KATNIP: variants seen among roughly 807,000 people sequenced by gnomAD.
KATNIP encodes the protein katanin-interacting protein.
A neutral mutation model predicts 174.0 loss-of-function variants in KATNIP; 126 were observed. That is an observed-to-expected ratio of 0.72 (90% CI 0.63 to 0.84). KATNIP has a LOEUF of 0.84. Among genes scored for constraint, KATNIP ranks in the 40% least tolerant of loss-of-function variants. KATNIP has a pLI of 0.00. For missense variants in KATNIP, 1,958 were observed against 2,109.7 expected (o/e 0.93, Z 1.41); for synonymous variants, 810 against 835.7 (o/e 0.97, Z 0.53).
At chr16:27,705,343 A>G (rs888479594) in intron 12 of KATNIP, among the ~76,000 whole-genome samples, 10 of 152,130 alleles carry the variant, frequency 6.6e-5, no homozygotes, top group Non-Finnish European at 1.5e-4. Flanking sequence ...ACTTAATGCA[A>G]AGTCCTCCCA....
chr16:27,753,638 C>T (rs1025959780), intron 17 of KATNIP, among the ~76,000 whole-genome samples: 10 of 152,210 alleles, frequency 6.6e-5, no homozygotes, highest in African/African-American at 1.7e-4. Flanking sequence ...GTCTGGGCCC[C>T]ACCCCTAGAG....
At chr16:27,561,350 T>C (rs942156493) in intron 1 of KATNIP, among the ~76,000 whole-genome samples, 1 of 152,278 alleles carries the variant, frequency 6.6e-6, no homozygotes, top group East Asian at 1.9e-4. Flanking sequence ...TGGACACATA[T>C]GGTTTCCCCA....
intron 15 of KATNIP, among the ~76,000 whole-genome samples, chr16:27,747,821 G>A (rs1293372093): frequency 6.6e-6 from 1 of 152,186 alleles, no homozygotes; most frequent in Non-Finnish European, 1.5e-5. Context: ...GGCTGTGGTT[G>A]GAGGGAGCCA....
At chr16:27,734,587 C>T (rs2080831283) in intron 14 of KATNIP, among the ~76,000 whole-genome samples, 1 of 152,046 alleles carries the variant, frequency 6.6e-6, no homozygotes, top group Non-Finnish European at 1.5e-5. Context: ...ATCCCAGCTA[C>T]TCGGGAGGCT....
At chr16:27,588,759 G>A (rs945134474) in intron 2 of KATNIP, among the ~76,000 whole-genome samples, 2 of 151,908 alleles carry the variant, frequency 1.3e-5, no homozygotes, top group South Asian at 2.1e-4. Flanking sequence ...AAGTTTGCAC[G>A]TTAAACAAAA....
chr16:27,722,237 C>T (rs2080274214), intron 14 of KATNIP: 2 of 152,602 alleles, frequency 1.3e-5, no homozygotes, highest in South Asian at 4.1e-4. Context: ...TAGCCAGGCT[C>T]TTAACCTCTG....
chr16:27,612,819 T>C (rs755990862), intron 2 of KATNIP, among the ~76,000 whole-genome samples: 2 of 151,934 alleles, frequency 1.3e-5, no homozygotes, highest in Non-Finnish European at 2.9e-5. Flanking sequence ...AGTCAGAATC[T>C]GCATTTCAAA....
chr16:27,654,111 G>T (rs2077195567), intron 6 of KATNIP, among the ~76,000 whole-genome samples: 1 of 152,170 alleles, frequency 6.6e-6, no homozygotes, highest in Non-Finnish European at 1.5e-5. Context: ...ATGTAGCTGG[G>T]ACTACAGGCA....
intron 2 of KATNIP, among the ~76,000 whole-genome samples, chr16:27,582,183 C>T (rs1005518265): frequency 6.6e-6 from 1 of 152,164 alleles, no homozygotes; most frequent in Admixed American, 6.6e-5. Flanking sequence ...ACTTCCTTCC[C>T]TTTTCTCCAT....
chr16:27,651,204 A>C (rs2077110993), intron 6 of KATNIP, among the ~76,000 whole-genome samples: 1 of 152,202 alleles, frequency 6.6e-6, no homozygotes, highest in Non-Finnish European at 1.5e-5. Flanking sequence ...TTTTGTGCAC[A>C]TACTCCGCAT....
intron 6 of KATNIP, among the ~76,000 whole-genome samples, chr16:27,676,991 A>G (rs2078140660): frequency 6.6e-6 from 1 of 152,110 alleles, no homozygotes. Context: ...TTTTTGTCCC[A>G]GTGTAAATAT....
At chr16:27,622,046 C>G (rs2076211938) in intron 3 of KATNIP, among the ~76,000 whole-genome samples, 1 of 152,086 alleles carries the variant, frequency 6.6e-6, no homozygotes, top group Non-Finnish European at 1.5e-5. Context: ...TCCTTGGCCA[C>G]CCCACTACAT....
chr16:27,719,058 TA>T (rs1175006535), intron 13 of KATNIP, among the ~76,000 whole-genome samples: 2 of 152,120 alleles, frequency 1.3e-5, no homozygotes, highest in Non-Finnish European at 2.9e-5. Context: ...CCCTTTGAGA[TA>T]AAAGGGACAA....
chr16:27,703,177 A>G lies in KATNIP; in HGVS notation c.1287-719A>G, dbSNP rs563213566. Reference sequence around the variant, plus strand: ...AGCAAAACTCCATCTCAAAAAAAAAAAAAGAAAGAAAGAAAAGGCTGGGCC... The same window carrying G: ...AGCAAAACTCCATCTCAAAAAAAAAGAAAGAAAGAAAGAAAAGGCTGGGCC... On this transcript the variant is annotated intron_variant, in intron 11 of 27. Transcript: ENST00000261588. Among the ~76,000 whole-genome samples, 10 of 152,222 alleles carry G rather than the reference A, an allele frequency of 6.6e-5. No homozygotes were observed. In the East Asian group the frequency reaches 9.7e-4, roughly 15 times the overall value.
At chr16:27,618,791 C>T (rs1292958804) in intron 3 of KATNIP, among the ~76,000 whole-genome samples, 1 of 152,194 alleles carries the variant, frequency 6.6e-6, no homozygotes, top group Non-Finnish European at 1.5e-5. Context: ...TTGGATTTGG[C>T]AGGGCTTGTG....
chr16:27,578,584 T>C (rs1450883742), intron 2 of KATNIP, among the ~76,000 whole-genome samples: 3 of 152,088 alleles, frequency 2.0e-5, no homozygotes, highest in African/African-American at 7.2e-5. Context: ...TTACGGTCAT[T>C]TCTTTTTTTT....
At chr16:27,668,666 C>G (rs1414683501) in intron 6 of KATNIP, among the ~76,000 whole-genome samples, 1 of 152,180 alleles carries the variant, frequency 6.6e-6, no homozygotes, top group Non-Finnish European at 1.5e-5. Flanking sequence ...TCCTCCAGGC[C>G]TGTAAGATGA....
At chr16:27,554,013 G>A (rs143450169) in intron 1 of KATNIP, among the ~76,000 whole-genome samples, 115 of 150,952 alleles carry the variant, frequency 7.6e-4, no homozygotes, top group Middle Eastern at 3.4e-3. Flanking sequence ...AAGGAAAGAA[G>A]GGAGGGAGAG....
At chr16:27,767,624 G>A (rs2082168697) in intron 20 of KATNIP, among the ~76,000 whole-genome samples, 1 of 152,208 alleles carries the variant, frequency 6.6e-6, no homozygotes, top group South Asian at 2.1e-4. Flanking sequence ...TAAGGCAGGA[G>A]GATCTCTTGA....
Sources: allele counts gnomAD v4.1 joint callset (sites outside exome capture counted in the v4.1 genomes callset), GRCh38; gene constraint gnomAD v4.1.1; transcripts MANE v1.5; gene names NCBI Gene and HGNC (gene_info 2026-07-23, HGNC 2026-07-21).